Variants in P2RX7 observed in about 807,000 individuals in gnomAD.
The protein encoded by P2RX7 is purinergic receptor P2X 7, also known as P2X purinoceptor 7.
Under a neutral mutation model 71.6 loss-of-function variants are expected in P2RX7, and 62 were observed. The ratio of observed to expected loss-of-function variants is 0.87; its 90% CI spans 0.71 to 1.07. P2RX7 has a LOEUF of 1.07. Ranked by LOEUF, P2RX7 falls within the 50% of genes least tolerant of loss-of-function variation. The pLI is 0.00. For synonymous variants in P2RX7, 299 were observed against 283.3 expected, an observed-to-expected ratio of 1.06 and a Z score of -0.56; for missense variants, 686 against 748.5, an observed-to-expected ratio of 0.92 and a Z score of 0.97.
At chr12:121,146,323 T>G (rs1233401185) in intron 1 of P2RX7, among the ~76,000 whole-genome samples, 3 of 127,578 alleles carry the variant, frequency 2.4e-5, no homozygotes, top group Non-Finnish European at 3.2e-5. Context: ...TTTTGAGGAG[T>G]CTTACTCTGT....
chr12:121,142,211 G>A (rs368399622), intron 1 of P2RX7, among the ~76,000 whole-genome samples: 20 of 152,306 alleles, frequency 1.3e-4, no homozygotes, highest in African/African-American at 2.6e-4. Flanking sequence ...AAATCAAGGC[G>A]TCAGCAGGCT....
At chr12:121,159,417 CA>C (rs397850013) in intron 3 of P2RX7, among the ~76,000 whole-genome samples, 7,200 of 65,772 alleles carry the variant, frequency 0.11, 116 homozygotes, top group Non-Finnish European at 0.12. Context: ...ACTCTGTCTC[CA>C]AAAAAAAAAA....
intron 3 of P2RX7, among the ~76,000 whole-genome samples, chr12:121,159,319 A>G (rs1879171119): frequency 6.8e-6 from 1 of 147,254 alleles, no homozygotes; most frequent in African/African-American, 2.5e-5. Context: ...CAGGAGGCTG[A>G]GGCAGGAGAA....
chr12:121,138,048 T>A (rs1358630210), intron 1 of P2RX7, among the ~76,000 whole-genome samples: 2 of 152,228 alleles, frequency 1.3e-5, no homozygotes, highest in African/African-American at 4.8e-5. Context: ...GTTGGAGGTC[T>A]GTGTAGATAG....
In P2RX7 at chr12:121,185,574, G is replaced by A. The variant is rs1359179806; in HGVS notation, c.*772G>A. The A allele has an allele frequency of 6.6e-6, 1 of 152,622 alleles. No homozygotes were observed. The highest frequency in any genetic ancestry group is 1.5e-5 in the Non-Finnish European group (1 of 68,040). 9.5% of individuals were successfully genotyped at this position (152,622 alleles called of 1,614,324 possible). ...AACTAAAGGTGGCCACAAATTCTTT[G>A]ACACTCAAGTCCCCCAAGACCTAAG... On this transcript the variant is annotated 3_prime_UTR_variant, in exon 13 of 13. Coordinates refer to ENST00000328963, the MANE Select transcript of P2RX7 (RefSeq NM_002562.6).
At position 121,182,669 on chromosome 12, in the gene P2RX7, T is replaced by G. The variant is rs566886631; in HGVS notation, c.1291-1636T>G. On this transcript the variant is annotated intron_variant, in intron 12 of 12. Transcript: ENST00000328963. ...TGAATGGAGCTTGTAGGACTGAAAG[T>G]TGCTCTGGGTGAGTCAGTGAGTAGT... Among the ~76,000 whole-genome samples, 3 of 152,316 alleles carry G rather than the reference T, an allele frequency of 2.0e-5. No homozygotes were observed. In the East Asian group the frequency reaches 5.8e-4, roughly 29 times the overall value.
At position 121,186,066 on chromosome 12, in the gene P2RX7, AAG is replaced by A; in HGVS notation, c.*1266_*1267del. On this transcript the variant is annotated 3_prime_UTR_variant, in exon 13 of 13. Coordinates refer to ENST00000328963, the MANE Select transcript of P2RX7 (RefSeq NM_002562.6). ...GAGACTCCATCTCAAAAAAAAAAAAAAGAAAAAAAAAATGTCTGCCTATCCTG... is the reference window on the plus strand; with the variant it reads ...GAGACTCCATCTCAAAAAAAAAAAAAAAAAAAAAAATGTCTGCCTATCCTG... The A allele has an allele frequency of 6.5e-6, 1 of 152,990 alleles. No homozygotes were observed. The highest frequency in any genetic ancestry group is 2.4e-5 in the African/African-American group (1 of 41,402). 9.5% of individuals were successfully genotyped at this position (152,990 alleles called of 1,614,324 possible). A position where few individuals can be genotyped will look rare whatever the true frequency, so the allele number is the denominator to read the frequency against.
chr12:121,136,003 C>CAAAAAAAAAAAAAAAAAA (rs1191508376), intron 1 of P2RX7, among the ~76,000 whole-genome samples: 1 of 12,830 alleles, frequency 7.8e-5, no homozygotes, highest in African/African-American at 1.5e-4. Flanking sequence ...GACTCTGTCT[C>CAAAAAAAAAAAAAAAAAA]AAAAAAAAAA....
Position 121,179,325 on chromosome 12 carries a change from C to T in P2RX7, c.1189-1029C>T, listed in dbSNP as rs1883708486. Among the ~76,000 whole-genome samples the T allele has an allele frequency of 2.6e-5, 4 of 151,886 alleles. No individual in the cohort carries two copies. In the South Asian group the frequency reaches 8.3e-4, roughly 32 times the overall value. ...ACCAGCCTGGCCAACATGGAGAAAC[C>T]CCGTCTCTACTAAAAATACAAAAAA... On this transcript the variant is annotated intron_variant, in intron 11 of 12. Transcript: ENST00000328963.
chr12:121,156,282 G>A (rs562484598), intron 3 of P2RX7, 135 bp downstream of exon 3: 1 of 701,726 alleles, frequency 1.4e-6, no homozygotes, highest in East Asian at 2.6e-5. Context: ...CCTCTTTTGT[G>A]GGGTAGGGCT....
chr12:121,174,047 TC>T (rs367804927), intron 8 of P2RX7, among the ~76,000 whole-genome samples: 6,991 of 90,316 alleles, frequency 0.077, 248 homozygotes, highest in African/African-American at 0.14. Flanking sequence ...TCTTTTCTTT[TC>T]TTTTTTTTTT....
At position 121,165,524 on chromosome 12, in the gene P2RX7, G is replaced by A. The variant is rs1289953530; in HGVS notation, c.614+87G>A. The A allele has an allele frequency of 1.2e-5, 13 of 1,045,668 alleles. 1 individual carries two copies. Among genetic ancestry groups the A allele is most frequent in the South Asian group, 6.6e-5 (5 of 75,906 alleles). The allele number at this position is 1,045,668 out of a possible 1,614,324, so 64.8% of individuals were successfully genotyped here. On this transcript the variant is annotated intron_variant, in intron 6 of 12. Transcript: ENST00000328963. ...ACCTCAGAAGCCTGAAACAACAAAC[G>A]CCTATTGTCTCCCACGGTTTCTGTG... is the stretch of plus-strand genomic sequence containing the variant.
chr12:121,155,397 G>GA (rs1317961644), intron 2 of P2RX7: 30 of 1,290,892 alleles, frequency 2.3e-5, no homozygotes, highest in Middle Eastern at 4.2e-4. Flanking sequence ...ACAAAGAAAG[G>GA]ATGTAAATGA....
intron 1 of P2RX7, among the ~76,000 whole-genome samples, chr12:121,152,050 GC>G (rs938792933): frequency 2.0e-4 from 31 of 151,880 alleles, no homozygotes; most frequent in African/African-American, 6.8e-4. Context: ...TGTGACCTTG[GC>G]CCCCTGCAAC....
intron 8 of P2RX7, among the ~76,000 whole-genome samples, chr12:121,167,898 C>T (rs1287927674): frequency 1.3e-5 from 2 of 151,394 alleles, no homozygotes; most frequent in African/African-American, 4.9e-5. Context: ...TGCAAACTTC[C>T]GCCTCCCAGG....
Position 121,164,519 on chromosome 12 carries a change from G to A in P2RX7, c.534-838G>A, listed in dbSNP as rs534652621. ...TACCTAGCCAGGTGCGGTGGCTCAC[G>A]CCTGTAATCCCAACACTTTGGCAGG... On this transcript the variant is annotated intron_variant, in intron 5 of 12. Coordinates refer to ENST00000328963, the MANE Select transcript of P2RX7 (RefSeq NM_002562.6). Among the ~76,000 whole-genome samples, 22 of 152,248 alleles carry A rather than the reference G, an allele frequency of 1.4e-4. 1 individual carries two copies. The South Asian group carries it at 1.5e-3, about 10-fold the overall frequency.
chr12:121,136,024 A>AAAAAAAAAAAATATATATG (rs1555222075), intron 1 of P2RX7, among the ~76,000 whole-genome samples: 3 of 11,670 alleles, frequency 2.6e-4, no homozygotes, highest in African/African-American at 3.2e-4. Flanking sequence ...AAAAAAAAAA[A>AAAAAAAAAAAATATATATG]TATATATATA....
At chr12:121,175,882 G>A (rs1225050568) in intron 9 of P2RX7, among the ~76,000 whole-genome samples, 3 of 152,038 alleles carry the variant, frequency 2.0e-5, no homozygotes, top group Non-Finnish European at 4.4e-5. Context: ...AGCATGGTTG[G>A]ATCCAGGTGT....
chr12:121,184,724 C>T lies in P2RX7; in HGVS notation c.1710C>T (p.Pro570=). Residue 570 remains proline (P), a synonymous_variant, in exon 13 of 13, where the codon CCC becomes CCT. Coordinates refer to ENST00000328963, the MANE Select transcript of P2RX7 (RefSeq NM_002562.6). ...SQDMADFAIL[P]SCCRWRIRKE... is the part of the protein sequence containing the mutation. ...ACATGGCTGACTTTGCCATCCTGCC[C>T]AGCTGCTGCCGCTGGAGGATCCGGA... 1 of 1,560,744 alleles carries T rather than the reference C, an allele frequency of 6.4e-7. No individual in the cohort carries two copies. Among genetic ancestry groups the T allele is most frequent in the East Asian group, 2.4e-5 (1 of 41,532 alleles).
Sources: gnomAD v4.1 joint callset for allele counts (sites outside exome capture counted in the v4.1 genomes callset) on GRCh38, gnomAD v4.1.1 for gene constraint, MANE v1.5 for transcripts, NCBI Gene and HGNC (gene_info 2026-07-23, HGNC 2026-07-21) for gene names.